ABAT: variants seen among roughly 807,000 people sequenced by gnomAD.
The protein encoded by ABAT is 4-aminobutyrate aminotransferase.
A neutral mutation model predicts 64.6 loss-of-function variants in ABAT; 45 were observed. The ratio of observed to expected loss-of-function variants is 0.70; its 90% CI spans 0.55 to 0.89. The LOEUF (loss-of-function observed/expected upper bound fraction) is 0.89, where lower values mean the gene tolerates loss of function less well. ABAT is among the 40% of genes least tolerant of loss of function. The probability of loss-of-function intolerance (pLI) is 0.00; values close to 1 mark genes in which losing one functional copy is unlikely to be tolerated. For missense variants in ABAT, 633 were observed against 658.4 expected (o/e 0.96, Z 0.42); for synonymous variants, 297 against 250.5 (o/e 1.19, Z -1.75).
intron 1 of ABAT, chr16:8,713,685 C>T (rs915033226): frequency 5.8e-6 from 2 of 346,092 alleles, no homozygotes; most frequent in Non-Finnish European, 1.2e-5. Context: ...CTCCACCTGT[C>T]CCCATGTTTT....
At chr16:8,707,253 C>A (rs916918392) in intron 1 of ABAT, among the ~76,000 whole-genome samples, 1 of 152,002 alleles carries the variant, frequency 6.6e-6, no homozygotes, top group Admixed American at 6.6e-5. Context: ...GTGGTGCAAT[C>A]ATGGCTCACT....
At chr16:8,678,991 A>C (rs1427139519) in intron 1 of ABAT, among the ~76,000 whole-genome samples, 1 of 152,140 alleles carries the variant, frequency 6.6e-6, no homozygotes, top group African/African-American at 2.4e-5. Flanking sequence ...AAGAAGAAGA[A>C]AATAAATCTC....
intron 1 of ABAT, among the ~76,000 whole-genome samples, chr16:8,696,590 A>G (rs1442532216): frequency 6.6e-6 from 1 of 152,210 alleles, no homozygotes; most frequent in Non-Finnish European, 1.5e-5. Context: ...ACTGTACTCC[A>G]GCCTGGGTGA....
intron 1 of ABAT, chr16:8,715,625 CCT>C (rs1199924783): frequency 1.7e-5 from 2 of 119,532 alleles, no homozygotes; most frequent in Admixed American, 9.1e-5. Flanking sequence ...AGAGCGAGAC[CCT>C]GTCTCTAAAA....
chr16:8,739,952 T>C (rs2059115486), intron 2 of ABAT, among the ~76,000 whole-genome samples: 1 of 151,580 alleles, frequency 6.6e-6, no homozygotes, highest in Non-Finnish European at 1.5e-5. Context: ...TTAAGAATAC[T>C]AAAACACAGT....
intron 6 of ABAT, among the ~76,000 whole-genome samples, chr16:8,762,083 C>T (rs542697387): frequency 6.6e-6 from 1 of 152,026 alleles, no homozygotes; most frequent in Non-Finnish European, 1.5e-5. Flanking sequence ...ATTGCAGCCT[C>T]GAACTCCTGG....
intron 1 of ABAT, among the ~76,000 whole-genome samples, chr16:8,719,740 AAAG>A (rs1051531898): frequency 1.7e-4 from 26 of 152,166 alleles, no homozygotes; most frequent in African/African-American, 2.7e-4. Flanking sequence ...CTGTCTAAAA[AAAG>A]AAGAAGAAAG....
intron 6 of ABAT, among the ~76,000 whole-genome samples, chr16:8,759,696 G>T (rs1238774279): frequency 4.6e-5 from 7 of 151,898 alleles, no homozygotes; most frequent in African/African-American, 1.7e-4. Flanking sequence ...GTTTTTTGTT[G>T]GTTTGTTTGT....
At position 8,736,415 on chromosome 16, in the gene ABAT, G is replaced by A. The variant is rs77200428; in HGVS notation, c.70+606G>A. On this transcript the variant is annotated intron_variant, in intron 2 of 15. Transcript: ENST00000268251. ...CTGATGGGATTGGATCCACCCTGGA[G>A]CCACTCTGCCTGCAGGTAGGCGGTG... 920 of 155,620 alleles carry A rather than the reference G, an allele frequency of 5.9e-3. 10 individuals carry two copies. Among genetic ancestry groups the A allele is most frequent in the African/African-American group, 0.02 (831 of 41,586 alleles). The allele number at this position is 155,620 out of a possible 1,614,324, so 9.6% of individuals were successfully genotyped here.
chr16:8,708,905 T>G (rs543264919), intron 1 of ABAT, among the ~76,000 whole-genome samples: 1 of 152,234 alleles, frequency 6.6e-6, no homozygotes, highest in African/African-American at 2.4e-5. Flanking sequence ...CGGCCAGTAT[T>G]GTTATTTAAG....
At chr16:8,753,690 A>G (rs2059557156) in intron 5 of ABAT, among the ~76,000 whole-genome samples, 1 of 152,218 alleles carries the variant, frequency 6.6e-6, no homozygotes, top group Non-Finnish European at 1.5e-5. Flanking sequence ...GGAGAAACCC[A>G]GAGTGTTCCT....
At chr16:8,735,934 C>T in intron 2 of ABAT, 125 bp downstream of exon 2, 1 of 805,354 alleles carries the variant, frequency 1.2e-6, no homozygotes, top group Non-Finnish European at 2.1e-6. Flanking sequence ...TGGGACTGTC[C>T]CACTGTATTA....
At chr16:8,748,938 G>A (rs1413798827) in intron 4 of ABAT, among the ~76,000 whole-genome samples, 1 of 152,052 alleles carries the variant, frequency 6.6e-6, no homozygotes, top group Admixed American at 6.6e-5. Flanking sequence ...ACAGCATCGA[G>A]TTGGTTCTTT....
intron 1 of ABAT, among the ~76,000 whole-genome samples, chr16:8,689,839 G>A (rs142938293): frequency 1.1e-4 from 16 of 152,322 alleles, no homozygotes; most frequent in African/African-American, 2.6e-4. Context: ...GTAGATCCTC[G>A]TGGCCAAACC....
chr16:8,736,015 G>C (rs1443086270), intron 2 of ABAT: 1 of 568,442 alleles, frequency 1.8e-6, no homozygotes, highest in Non-Finnish European at 3.2e-6. Flanking sequence ...AGGTTTAATG[G>C]TCTCACAGTT....
At chr16:8,726,839 C>A (rs1052310415) in intron 1 of ABAT, among the ~76,000 whole-genome samples, 1 of 152,174 alleles carries the variant, frequency 6.6e-6, no homozygotes, top group Non-Finnish European at 1.5e-5. Context: ...TGCTCCACAT[C>A]CTCTCCAGCA....
chr16:8,779,647 G>A, intron 15 of ABAT, 57 bp downstream of exon 15: 1 of 1,411,622 alleles, frequency 7.1e-7, no homozygotes, highest in Non-Finnish European at 9.9e-7. Context: ...TCCTGCTGTA[G>A]CTGCCACATG....
rs778232601 is a variant in ABAT, at chr16:8,735,772, C to G, written c.33C>G (p.Ala11=). The G allele has an allele frequency of 1.9e-6, 3 of 1,608,118 alleles. No homozygotes were observed. Among genetic ancestry groups the G allele is most frequent in the African/African-American group, 1.3e-5 (1 of 75,008 alleles). MASMLLAQRL[A]CSFQHSYRLL... ...CCATGTTGCTCGCCCAGCGCCTGGC[C>G]TGCAGCTTCCAGCACAGCTACCGCC... The change falls in exon 2 of 16, where the codon GCC becomes GCG. Residue 11 remains alanine, a synonymous_variant. Transcript: ENST00000268251.
chr16:8,724,396 G>A (rs551598898), intron 1 of ABAT, among the ~76,000 whole-genome samples: 32 of 152,280 alleles, frequency 2.1e-4, no homozygotes, highest in Non-Finnish European at 3.7e-4. Context: ...GCACTGGCAC[G>A]TGTTGTAACA....
Sources: gnomAD v4.1 joint callset for allele counts (sites outside exome capture counted in the v4.1 genomes callset) on GRCh38, gnomAD v4.1.1 for gene constraint, MANE v1.5 for transcripts, NCBI Gene and HGNC (gene_info 2026-07-23, HGNC 2026-07-21) for gene names.